CMIP: variants seen among roughly 807,000 people sequenced by gnomAD.
CMIP encodes the protein C-Maf-inducing protein.
A neutral mutation model predicts 97.3 loss-of-function variants in CMIP; 13 were observed. The observed-to-expected ratio is 0.13, with a 90% CI of 0.09 to 0.21. The LOEUF is 0.21. Among genes scored for constraint, CMIP ranks in the 10% least tolerant of loss-of-function variants. The pLI, the probability that CMIP is intolerant of heterozygous loss-of-function variation, is 1.00. For synonymous variants in CMIP, 538 were observed against 436.3 expected (o/e 1.23, Z -2.91); for missense variants, 847 against 1,024.9 (o/e 0.83, Z 2.37).
chr16:81,554,958 C>G (rs1190962170), intron 1 of CMIP, among the ~76,000 whole-genome samples: 1 of 152,166 alleles, frequency 6.6e-6, no homozygotes, highest in Non-Finnish European at 1.5e-5. Flanking sequence ...AGGGATGCCC[C>G]CCAGAAGGGG....
chr16:81,607,426 T>A, intron 1 of CMIP, 141 bp from the exon 2 acceptor site: 1 of 1,062,238 alleles, frequency 9.4e-7, no homozygotes, highest in East Asian at 2.4e-5. Flanking sequence ...CTTGCTTTGG[T>A]CACCAGAGGT....
At chr16:81,470,303 G>A (rs1024705387) in intron 1 of CMIP, among the ~76,000 whole-genome samples, 12 of 145,362 alleles carry the variant, frequency 8.3e-5, no homozygotes, top group East Asian at 1.9e-4. Flanking sequence ...CAGGCGCCCC[G>A]TCCAGGCAGC....
intron 13 of CMIP, 82 bp from the exon 14 acceptor site, chr16:81,696,478 C>T: frequency 7.3e-7 from 1 of 1,372,368 alleles, no homozygotes; most frequent in Non-Finnish European, 1.0e-6. Flanking sequence ...CTGAGCCTTT[C>T]CCATTCATGT....
intron 1 of CMIP, among the ~76,000 whole-genome samples, chr16:81,463,597 G>A (rs1455946830): frequency 6.6e-6 from 1 of 152,200 alleles, no homozygotes; most frequent in Non-Finnish European, 1.5e-5. Flanking sequence ...GCTGGGTACC[G>A]ATTGCCAGGG....
intron 1 of CMIP, among the ~76,000 whole-genome samples, chr16:81,505,273 G>C (rs2089687517): frequency 1.3e-5 from 2 of 152,242 alleles, no homozygotes; most frequent in Admixed American, 1.3e-4. Context: ...TGGGTGAAGA[G>C]GGAAGGGAAG....
rs529609429 is a variant in CMIP at position 81,579,816 on chromosome 16, C to T, written c.301-27751C>T. On this transcript the variant is annotated intron_variant, in intron 1 of 20. Transcript: ENST00000537098. ...GAAAAATACAAAAAAATTAGCTGGG[C>T]GTGGTGGCGGACGCCTGTAGTCCCA... 6.6e-5 allele frequency among the ~76,000 whole-genome samples: 10 copies of T among 152,064 alleles called. No individual in the cohort carries two copies. The South Asian group carries it at 8.3e-4, about 13-fold the overall frequency.
intron 1 of CMIP, among the ~76,000 whole-genome samples, chr16:81,523,850 A>G (rs1176409323): frequency 6.6e-6 from 1 of 152,204 alleles, no homozygotes; most frequent in African/African-American, 2.4e-5. Flanking sequence ...GCCTGGATGT[A>G]ACACCCAGCT....
At chr16:81,450,686 A>C (rs990888717) in intron 1 of CMIP, among the ~76,000 whole-genome samples, 3 of 152,188 alleles carry the variant, frequency 2.0e-5, no homozygotes, top group African/African-American at 7.2e-5. Flanking sequence ...CAGGTCTCAT[A>C]GGTAGGAAGG....
intron 3 of CMIP, among the ~76,000 whole-genome samples, chr16:81,640,819 A>C (rs2092297578): frequency 6.6e-6 from 1 of 150,522 alleles, no homozygotes; most frequent in Non-Finnish European, 1.5e-5. Context: ...CAGTCACTGG[A>C]TTTAGGGCCA....
chr16:81,459,144 C>T (rs1232186536), intron 1 of CMIP, among the ~76,000 whole-genome samples: 2 of 152,216 alleles, frequency 1.3e-5, no homozygotes, highest in East Asian at 1.9e-4. Flanking sequence ...TACCTTCCTG[C>T]TTCCTGCAGG....
intron 1 of CMIP, among the ~76,000 whole-genome samples, chr16:81,605,220 G>A (rs943707971): frequency 2.0e-5 from 3 of 152,212 alleles, no homozygotes; most frequent in African/African-American, 7.2e-5. Flanking sequence ...TGAAGGGCAG[G>A]CCCACGAGTG....
chr16:81,500,963 A>G (rs2089599273), intron 1 of CMIP, among the ~76,000 whole-genome samples: 4 of 152,230 alleles, frequency 2.6e-5, no homozygotes, highest in Admixed American at 2.6e-4. Context: ...AAATCATTGG[A>G]TTGCGCAGGT....
chr16:81,490,204 T>C (rs1361791995), intron 1 of CMIP, among the ~76,000 whole-genome samples: 1 of 152,234 alleles, frequency 6.6e-6, no homozygotes. Flanking sequence ...GTTAATTCAT[T>C]GGTTTTCTGT....
intron 3 of CMIP, among the ~76,000 whole-genome samples, chr16:81,649,417 C>G (rs543279302): frequency 1.3e-4 from 20 of 152,364 alleles, no homozygotes; most frequent in African/African-American, 3.8e-4. Flanking sequence ...TGCTATGCCT[C>G]AGACTGGTTG....
chr16:81,620,887 C>T lies in CMIP; in HGVS notation c.438C>T (p.Ser146=), dbSNP rs528248123. The change falls in exon 3 of 21, where the codon AGC becomes AGT. Residue 146 remains serine (S), a synonymous_variant. Coordinates refer to ENST00000537098, the MANE Select transcript of CMIP (RefSeq NM_198390.3). ...GGTVLLQAAN[S]YLRDQWFHSL... ...TCTTGTCGTTACAGGCTGCCAATAG[C>T]TACCTGCGAGACCAGTGGTTCCATT... 75 of 1,613,996 alleles carry T rather than the reference C, an allele frequency of 4.6e-5. No individual in the cohort carries two copies. Among genetic ancestry groups the T allele is most frequent in the Non-Finnish European group, 5.8e-5 (68 of 1,179,864 alleles).
At chr16:81,534,524 A>G (rs2090303789) in intron 1 of CMIP, among the ~76,000 whole-genome samples, 1 of 152,128 alleles carries the variant, frequency 6.6e-6, no homozygotes. Context: ...TTATTGATAT[A>G]TAGAAGTTAT....
chr16:81,474,457 C>T (rs1258948697), intron 1 of CMIP, among the ~76,000 whole-genome samples: 4 of 152,138 alleles, frequency 2.6e-5, no homozygotes, highest in Non-Finnish European at 5.9e-5. Flanking sequence ...GTAGGCACGT[C>T]GCACACTACT....
At position 81,710,588 on chromosome 16, in the gene CMIP, G is replaced by A. The variant is rs1908657238; in HGVS notation, c.*789G>A. 6.6e-6 allele frequency: 1 copy of A among 151,858 alleles called. No homozygotes were observed. The highest frequency in any genetic ancestry group is 6.6e-5 in the Admixed American group (1 of 15,256). 9.4% of individuals were successfully genotyped at this position (151,858 alleles called of 1,614,324 possible). A position where few individuals can be genotyped will look rare whatever the true frequency, so the allele number is the denominator to read the frequency against. On this transcript the variant is annotated 3_prime_UTR_variant, in exon 21 of 21. Transcript: ENST00000537098. ...AAAAATTAATTGCTTTTTCGTAATG[G>A]ATTCTCTATGCTAATGCTCTCTCGT...
At chr16:81,560,979 G>A (rs568980769) in intron 1 of CMIP, among the ~76,000 whole-genome samples, 1 of 152,078 alleles carries the variant, frequency 6.6e-6, no homozygotes, top group South Asian at 2.1e-4. Flanking sequence ...TTTCTTTTTG[G>A]AGACAGTCTC....
Sources: gnomAD v4.1 joint callset for allele counts (sites outside exome capture counted in the v4.1 genomes callset) on GRCh38, gnomAD v4.1.1 for gene constraint, MANE v1.5 for transcripts, NCBI Gene and HGNC (gene_info 2026-07-23, HGNC 2026-07-21) for gene names.